The following LRP5 variants were observed in gnomAD, a reference collection of about 807,000 sequenced individuals.
LRP5 encodes LDL receptor related protein 5, also known as low-density lipoprotein receptor-related protein 5.
A neutral mutation model predicts 154.1 loss-of-function variants in LRP5; 62 were observed. That is an observed-to-expected ratio of 0.40 (90% CI 0.33 to 0.50). The LOEUF (loss-of-function observed/expected upper bound fraction) is 0.50, where lower values mean the gene tolerates loss of function less well. Among genes scored for constraint, LRP5 ranks in the 20% least tolerant of loss-of-function variants. The pLI is 0.55. For synonymous variants in LRP5, 966 were observed against 1,011.5 expected (o/e 0.96, Z 0.85); for missense variants, 1,915 against 2,336.7 (o/e 0.82, Z 3.72).
intron 9 of LRP5, among the ~76,000 whole-genome samples, chr11:68,409,238 ATT>A (rs2098657953): frequency 1.4e-5 from 2 of 140,580 alleles, no homozygotes; most frequent in Admixed American, 7.5e-5. Context: ...TAAAATATAT[ATT>A]ATATAATATA....
intron 3 of LRP5, among the ~76,000 whole-genome samples, chr11:68,363,360 T>C (rs1012807046): frequency 6.6e-6 from 1 of 152,172 alleles, no homozygotes; most frequent in Non-Finnish European, 1.5e-5. Flanking sequence ...CTTGTCTGGT[T>C]GAAAGCAAAT....
At chr11:68,377,269 G>A (rs983278600) in intron 5 of LRP5, among the ~76,000 whole-genome samples, 30 of 152,178 alleles carry the variant, frequency 2.0e-4, no homozygotes, top group African/African-American at 7.2e-4. Context: ...GCACTGACTT[G>A]GTCACTCTCT....
intron 3 of LRP5, among the ~76,000 whole-genome samples, chr11:68,359,398 T>A (rs73513038): frequency 2.0e-5 from 3 of 152,124 alleles, no homozygotes; most frequent in African/African-American, 7.2e-5. Flanking sequence ...GTTTGAGATT[T>A]GGAAATGTGG....
intron 13 of LRP5, 131 bp downstream of exon 13, chr11:68,416,658 C>T (rs2098662726): frequency 1.2e-6 from 1 of 842,356 alleles, no homozygotes; most frequent in Non-Finnish European, 1.9e-6. Context: ...ATGACTTGGG[C>T]TTCGATTATG....
intron 7 of LRP5, among the ~76,000 whole-genome samples, chr11:68,400,525 G>A (rs1175807605): frequency 2.6e-5 from 4 of 151,706 alleles, no homozygotes; most frequent in South Asian, 4.2e-4. Context: ...GTTTGTGACC[G>A]GCCTGACCAA....
rs576700105 is a variant in LRP5 at position 68,423,432 on chromosome 11, G to A, written c.3028-57G>A. The A allele has an allele frequency of 1.4e-5, 21 of 1,535,652 alleles. No homozygotes were observed. Among genetic ancestry groups the A allele is most frequent in the Admixed American group, 6.7e-5 (4 of 59,832 alleles). On this transcript the variant is annotated intron_variant, in intron 13 of 22. Coordinates refer to ENST00000294304, the MANE Select transcript of LRP5 (RefSeq NM_002335.4). This position sits in a 1 kb window ranked among gnomAD's most constrained non-coding sequence, Gnocchi z 4.7. ...GTCTCCGCCAGTGCCAGGGGTCTCC[G>A]CCAGTGCCCAGGGGTCTCCGCCAGT...
chr11:68,431,782 C>T (rs2098672042), intron 17 of LRP5, among the ~76,000 whole-genome samples: 2 of 152,234 alleles, frequency 1.3e-5, no homozygotes. Flanking sequence ...CCGAACTGCC[C>T]TGGCCAAGAA....
At chr11:68,329,400 A>C (rs759007316) in intron 1 of LRP5, among the ~76,000 whole-genome samples, 12 of 152,166 alleles carry the variant, frequency 7.9e-5, no homozygotes, top group Admixed American at 5.2e-4. Flanking sequence ...GAGGTCAATT[A>C]ACTTGCTCAA....
chr11:68,383,079 T>C (rs2098641165), intron 5 of LRP5, among the ~76,000 whole-genome samples: 1 of 152,106 alleles, frequency 6.6e-6, no homozygotes, highest in Non-Finnish European at 1.5e-5. Context: ...GGTTTTACCA[T>C]GTTGGCTAGG....
chr11:68,418,256 T>C (rs1208610707), intron 13 of LRP5, among the ~76,000 whole-genome samples: 2 of 151,838 alleles, frequency 1.3e-5, no homozygotes, highest in Admixed American at 6.6e-5. Flanking sequence ...TATACGAAAA[T>C]TAGCTGGGTG....
rs1331750732 is a variant in LRP5, at chr11:68,413,385, G to T, written c.2504-304G>T. ...TGGAAGGCCTGGTCTCATTGCTGTG[G>T]GAGTGAAGGATGCACAGCCAGGCCT... On this transcript the variant is annotated intron_variant, in intron 11 of 22. Transcript: ENST00000294304. The surrounding 1 kb of genome is among the most constrained non-coding windows in gnomAD (Gnocchi z 5.1). Among the ~76,000 whole-genome samples, 1 of 152,182 alleles carries T rather than the reference G, an allele frequency of 6.6e-6. No homozygotes were observed.
At chr11:68,311,227 G>C (rs2098587604), upstream of LRP5, among the ~76,000 whole-genome samples, 1 of 152,180 alleles carries the variant, frequency 6.6e-6, no homozygotes, top group Non-Finnish European at 1.5e-5. Flanking sequence ...ATTGCTCGTG[G>C]GGTGCATTCT....
At chr11:68,438,741 T>G in intron 20 of LRP5, 59 bp downstream of exon 20, 10 of 1,511,802 alleles carry the variant, frequency 6.6e-6, no homozygotes, top group Non-Finnish European at 9.1e-6. Flanking sequence ...CTGGGCAGCT[T>G]TGGGGAGTGG....
At chr11:68,395,748 G>C (rs945938510) in intron 7 of LRP5, among the ~76,000 whole-genome samples, 2 of 152,120 alleles carry the variant, frequency 1.3e-5, no homozygotes, top group Non-Finnish European at 2.9e-5. Flanking sequence ...ACTTAGCCTC[G>C]AGATTGCTGC....
intron 1 of LRP5, 99 bp downstream of exon 1, chr11:68,312,904 C>A: frequency 1.6e-6 from 1 of 642,544 alleles, no homozygotes; most frequent in Non-Finnish European, 1.9e-6. Flanking sequence ...GTCTCGGAAG[C>A]GACTTGGCGA....
At chr11:68,339,693 T>G (rs753221398) in intron 1 of LRP5, among the ~76,000 whole-genome samples, 3 of 152,162 alleles carry the variant, frequency 2.0e-5, no homozygotes, top group Non-Finnish European at 2.9e-5. Context: ...CCCTCTCACC[T>G]CCGTCAGGTG....
intron 5 of LRP5, among the ~76,000 whole-genome samples, chr11:68,371,257 G>C (rs1357783792): frequency 6.6e-6 from 1 of 152,204 alleles, no homozygotes; most frequent in Non-Finnish European, 1.5e-5. Context: ...GGTTCTAGAA[G>C]ATCTTCCCAT....
intron 3 of LRP5, among the ~76,000 whole-genome samples, chr11:68,359,774 TTTTG>T (rs1266700342): frequency 4.0e-4 from 60 of 151,654 alleles, no homozygotes; most frequent in African/African-American, 7.7e-4. Context: ...TGACCTCTTT[TTTTG>T]TTTGTTTGTT....
intron 21 of LRP5, among the ~76,000 whole-genome samples, chr11:68,442,009 A>C (rs671494): frequency 0.56 from 84,770 of 151,832 alleles, 26,055 homozygotes; most frequent in South Asian, 0.77. Flanking sequence ...GCCAAGCAGG[A>C]CTCCCTGGGA....
Sources: gnomAD v4.1 joint callset for allele counts (sites outside exome capture counted in the v4.1 genomes callset) on GRCh38, gnomAD v4.1.1 for gene constraint, Gnocchi (gnomAD v3.1) non-coding constraint, MANE v1.5 for transcripts, NCBI Gene and HGNC (gene_info 2026-07-23, HGNC 2026-07-21) for gene names.